Variants in BBS9 observed in about 807,000 individuals in gnomAD.
The protein encoded by BBS9 is protein PTHB1.
BBS9 carries 89 observed loss-of-function variants against 117.7 expected under a neutral mutation model. The ratio of observed to expected loss-of-function variants is 0.76; its 90% CI spans 0.64 to 0.90. The LOEUF is 0.90. BBS9 is among the 40% of genes least tolerant of loss of function. BBS9 has a pLI of 0.00. For synonymous variants in BBS9, 379 were observed against 370.9 expected, an observed-to-expected ratio of 1.02 and a Z score of -0.25; for missense variants, 982 against 1,042.2, an observed-to-expected ratio of 0.94 and a Z score of 0.80.
chr7:33,605,597 G>T lies in BBS9; in HGVS notation c.*371G>T. On this transcript the variant is annotated 3_prime_UTR_variant, in exon 23 of 23. Coordinates refer to ENST00000242067, the MANE Select transcript of BBS9 (RefSeq NM_198428.3). ...TTCACAGAATTCTTATATAGTAAAT[G>T]TATCAAGTTTAATAAAGCATCTCAT... is the stretch of plus-strand genomic sequence containing the variant. 3.7e-6 allele frequency: 1 copy of T among 267,648 alleles called. No individual in the cohort carries two copies. Among genetic ancestry groups the T allele is most frequent in the South Asian group, 5.1e-5 (1 of 19,530 alleles). 16.6% of individuals were successfully genotyped at this position (267,648 alleles called of 1,614,324 possible).
intron 5 of BBS9, among the ~76,000 whole-genome samples, chr7:33,204,559 T>G (rs1424711382): frequency 6.6e-6 from 1 of 152,114 alleles, no homozygotes; most frequent in Non-Finnish European, 1.5e-5. Flanking sequence ...GATATTATTT[T>G]GAGGGCTTAT....
At chr7:33,275,691 C>T (rs1486184782) in intron 9 of BBS9, among the ~76,000 whole-genome samples, 1 of 152,054 alleles carries the variant, frequency 6.6e-6, no homozygotes, top group Non-Finnish European at 1.5e-5. Context: ...GGTAGAAAGA[C>T]CTTATTGAGA....
intron 16 of BBS9, 65 bp from the exon 17 acceptor site, chr7:33,367,702 C>G: frequency 7.5e-7 from 1 of 1,334,460 alleles, no homozygotes; most frequent in South Asian, 1.2e-5. Context: ...AACTAAGGTT[C>G]CTATTTCAAA....
chr7:33,299,385 T>G (rs1562957719), intron 9 of BBS9, among the ~76,000 whole-genome samples: 1 of 152,014 alleles, frequency 6.6e-6, no homozygotes, highest in Non-Finnish European at 1.5e-5. Context: ...TGTGCTGAAA[T>G]GATTTGCTTT....
chr7:33,349,639 C>T (rs912353703), intron 13 of BBS9, among the ~76,000 whole-genome samples: 7 of 152,114 alleles, frequency 4.6e-5, no homozygotes, highest in Admixed American at 3.3e-4. Context: ...CCATGTTATC[C>T]AGGCTGGTCT....
intron 9 of BBS9, among the ~76,000 whole-genome samples, chr7:33,302,329 G>A (rs1458643999): frequency 6.6e-6 from 1 of 152,050 alleles, no homozygotes; most frequent in Non-Finnish European, 1.5e-5. Context: ...TGTTTGTGGG[G>A]TATTACTCAA....
chr7:33,177,465 T>G lies in BBS9; in HGVS notation c.329-13T>G. On this transcript the variant is annotated splice_polypyrimidine_tract_variant and intron_variant, in intron 4 of 22. Coordinates refer to ENST00000242067, the MANE Select transcript of BBS9 (RefSeq NM_198428.3). ...ACACAAATACAAAGTAATCCTTTTTTTTTTTTCCTTAGGAACCTTGGGTAA... is the reference window on the plus strand; with the variant it reads ...ACACAAATACAAAGTAATCCTTTTTGTTTTTTCCTTAGGAACCTTGGGTAA... The G allele has an allele frequency of 1.3e-6, 2 of 1,548,862 alleles. No individual in the cohort carries two copies. The highest frequency in any genetic ancestry group is 2.2e-5 in the South Asian group (2 of 89,860).
chr7:33,172,323 G>A (rs1796703566), intron 4 of BBS9, among the ~76,000 whole-genome samples: 1 of 151,684 alleles, frequency 6.6e-6, no homozygotes, highest in South Asian at 2.1e-4. Context: ...GGAGCTTGCA[G>A]TGAGCCAAGA....
intron 16 of BBS9, among the ~76,000 whole-genome samples, chr7:33,367,021 G>A (rs1821905226): frequency 6.6e-6 from 1 of 152,156 alleles, no homozygotes; most frequent in Non-Finnish European, 1.5e-5. Flanking sequence ...AACAGCCATT[G>A]ATATCCAATG....
At chr7:33,488,002 C>T (rs1179826152) in intron 19 of BBS9, among the ~76,000 whole-genome samples, 2 of 152,102 alleles carry the variant, frequency 1.3e-5, no homozygotes, top group African/African-American at 2.4e-5. Flanking sequence ...AAAACTGTGA[C>T]AGTGAAGGAA....
intron 20 of BBS9, among the ~76,000 whole-genome samples, chr7:33,516,487 C>T: frequency 1.9e-5 from 1 of 51,522 alleles, no homozygotes; most frequent in South Asian, 1.1e-3. Flanking sequence ...ATTTCATCTC[C>T]AAAAAAAAAA....
At chr7:33,443,180 T>C (rs1229690493) in intron 19 of BBS9, among the ~76,000 whole-genome samples, 2 of 152,136 alleles carry the variant, frequency 1.3e-5, no homozygotes, top group Non-Finnish European at 2.9e-5. Context: ...GAACTTGTTT[T>C]AAGCCAAATA....
At chr7:33,449,155 A>G (rs1584870805) in intron 19 of BBS9, among the ~76,000 whole-genome samples, 3 of 152,186 alleles carry the variant, frequency 2.0e-5, no homozygotes, top group East Asian at 1.9e-4. Context: ...CTGGGCATCA[A>G]TCGTGGTAGT....
At chr7:33,309,350 T>G (rs903921853) in intron 9 of BBS9, among the ~76,000 whole-genome samples, 5 of 147,324 alleles carry the variant, frequency 3.4e-5, no homozygotes, top group African/African-American at 1.2e-4. Context: ...TTTCCAAGAC[T>G]TCAAATTATA....
chr7:33,552,388 C>T (rs894967693), intron 21 of BBS9, among the ~76,000 whole-genome samples: 3 of 152,120 alleles, frequency 2.0e-5, no homozygotes, highest in African/African-American at 7.2e-5. Context: ...TACTCCTCCC[C>T]ACCTCACCTT....
chr7:33,404,749 G>A (rs555927794), intron 19 of BBS9, among the ~76,000 whole-genome samples: 29 of 151,986 alleles, frequency 1.9e-4, no homozygotes, highest in Middle Eastern at 3.4e-3. Flanking sequence ...TTTGGGCTGA[G>A]ACAATGGGGT....
rs1411282197 is a variant in BBS9, at chr7:33,559,626, C to T, written c.2521+25450C>T. 2.0e-5 allele frequency among the ~76,000 whole-genome samples: 3 copies of T among 152,282 alleles called. No homozygotes were observed. In the South Asian group the frequency reaches 6.2e-4, roughly 32 times the overall value. ...AACCACTATCCGTGTACTGAAAAAT[C>T]GCAGCCAAATATGCTGCCAGCTGAG... On this transcript the variant is annotated intron_variant, in intron 21 of 22. Coordinates refer to ENST00000242067, the MANE Select transcript of BBS9 (RefSeq NM_198428.3).
Position 33,137,961 on chromosome 7 carries a change from A to G in BBS9, c.-12+7920A>G, listed in dbSNP as rs77418764. ...TTGTTCTGAAATAATTAAGGTAGCC[A>G]TGGTCTTGTGAGGAAGAGCCATTTG... On this transcript the variant is annotated intron_variant, in intron 1 of 22. Coordinates refer to ENST00000242067, the MANE Select transcript of BBS9 (RefSeq NM_198428.3). Among the ~76,000 whole-genome samples, 640 of 152,326 alleles carry G rather than the reference A, an allele frequency of 4.2e-3. 2 individuals are homozygous for G. The highest frequency in any genetic ancestry group is 0.015 in the African/African-American group (623 of 41,570).
chr7:33,362,908 GT>G (rs148243550), intron 16 of BBS9, among the ~76,000 whole-genome samples: 4,168 of 151,860 alleles, frequency 0.027, 190 homozygotes, highest in African/African-American at 0.092. Flanking sequence ...CTGTATTCTA[GT>G]TTTTTTAAGA....
Sources: allele counts gnomAD v4.1 joint callset (sites outside exome capture counted in the v4.1 genomes callset), GRCh38; gene constraint gnomAD v4.1.1; transcripts MANE v1.5; gene names NCBI Gene and HGNC (gene_info 2026-07-23, HGNC 2026-07-21).